The following LAMB4 variants were observed in gnomAD, a reference collection of about 807,000 sequenced individuals.
The protein encoded by LAMB4 is laminin subunit beta 4.
Under a neutral mutation model 199.2 loss-of-function variants are expected in LAMB4, and 196 were observed. The ratio of observed to expected loss-of-function variants is 0.98; its 90% CI spans 0.88 to 1.11. The LOEUF (loss-of-function observed/expected upper bound fraction) is 1.11. Among genes scored for constraint, LAMB4 ranks in the 50% least tolerant of loss-of-function variants. LAMB4 has a pLI of 0.00. For missense variants in LAMB4, 2,080 were observed against 2,171.2 expected (o/e 0.96, Z 0.83); for synonymous variants, 744 against 770.6 (o/e 0.97, Z 0.57).
At chr7:108,123,038 T>C (rs2038653835) in intron 2 of LAMB4, 93 bp downstream of exon 2, 3 of 1,138,888 alleles carry the variant, frequency 2.6e-6, no homozygotes, top group Non-Finnish European at 2.5e-6. Flanking sequence ...TACAGCACTA[T>C]AGAAGACAGA....
rs2035952843 is a variant in LAMB4 at position 108,055,493 on chromosome 7, G to C, written c.3755+139C>G. 3.3e-5 allele frequency: 31 copies of C among 946,892 alleles called. No individual in the cohort carries two copies. In the South Asian group the frequency reaches 4.7e-4, roughly 14 times the overall value. 58.7% of individuals were successfully genotyped at this position (946,892 alleles called of 1,614,324 possible). ...TGAGCTATGGCGCCCGGCCCAGCCT[G>C]GTTATTAACTGAACAACTATCAGTC... is the stretch of plus-strand genomic sequence containing the variant. On this transcript the variant is annotated intron_variant, in intron 25 of 33. Coordinates refer to ENST00000388781, the MANE Select transcript of LAMB4 (RefSeq NM_007356.3).
At chr7:108,099,780 T>C in intron 10 of LAMB4, among the ~76,000 whole-genome samples, 1 of 152,202 alleles carries the variant, frequency 6.6e-6, no homozygotes, top group Non-Finnish European at 1.5e-5. Context: ...TTTAGGTTAG[T>C]GAGTTTAGTG....
At position 108,029,143 on chromosome 7, in the gene LAMB4, A is replaced by G. The variant is rs751900872; in HGVS notation, c.5046T>C (p.Thr1682=). ...CTAATGTCTCCTTTGTTAGTCCTGT[A>G]GTGCTTGTCTTACGTTGGAGAATAG... is the stretch of plus-strand genomic sequence containing the variant. The part of the protein sequence containing the change: ...QYAILQRKTS[T]TGLTKETLGK... The change falls in exon 33 of 34, where the codon ACT becomes ACC. Residue 1682 remains threonine, a synonymous_variant. Coordinates refer to ENST00000388781, the MANE Select transcript of LAMB4 (RefSeq NM_007356.3). 6.2e-7 allele frequency: 1 copy of G among 1,613,832 alleles called. No individual in the cohort carries two copies. The highest frequency in any genetic ancestry group is 8.5e-7 in the Non-Finnish European group (1 of 1,179,892).
rs756636660 is a variant in LAMB4, at chr7:108,076,963, G to A, written c.2105C>T (p.Ser702Leu). ...QPLQGESHAH[S>L]HVLVDSLGLI... ...ACTTACAGAGTCCACCAGGACATGT[G>A]AATGAGCGTGGGACTCTCCTTGCAA... Residue 702 changes from serine (S) to leucine (L), a missense_variant, in exon 17 of 34, where the codon TCA becomes TTA. By Grantham distance (145) the Ser-to-Leu change is moderately radical. Transcript: ENST00000388781. The A allele has an allele frequency of 2.7e-5, 43 of 1,613,896 alleles. No individual in the cohort carries two copies. In the South Asian group the frequency reaches 4.4e-4, roughly 16 times the overall value.
In LAMB4 at chr7:108,070,768, T is replaced by C. The variant is rs1225332061; in HGVS notation, c.2125-883A>G. ...TAAGTTTTTGGGGAGTAAAAAATCA[T>C]ATGTAGGTTTTTGACTGCATGGGGG... On this transcript the variant is annotated intron_variant, in intron 17 of 33. Coordinates refer to ENST00000388781, the MANE Select transcript of LAMB4 (RefSeq NM_007356.3). Among the ~76,000 whole-genome samples, 4 of 152,198 alleles carry C rather than the reference T, an allele frequency of 2.6e-5. No homozygotes were observed. The East Asian group carries it at 7.7e-4, about 29-fold the overall frequency.
At position 108,055,691 on chromosome 7, in the gene LAMB4, T is replaced by G; in HGVS notation, c.3696A>C (p.Lys1232Asn). Residue 1232 changes from lysine (K) to asparagine (N), a missense_variant, in exon 25 of 34, where the codon AAA (lysine) becomes AAC (asparagine). Coordinates refer to ENST00000388781, the MANE Select transcript of LAMB4 (RefSeq NM_007356.3). ...ATTTCCCAGATGGGAAAACAGGATGTTTCAAAATCCTTTCTATTTCAGACA... is the reference window on the plus strand; with the variant it reads ...ATTTCCCAGATGGGAAAACAGGATGGTTCAAAATCCTTTCTATTTCAGACA... ...GNVSEIERIL[K>N]HPVFPSGKFL... 1 of 1,614,078 alleles carries G rather than the reference T, an allele frequency of 6.2e-7. No individual in the cohort carries two copies. The highest frequency in any genetic ancestry group is 8.5e-7 in the Non-Finnish European group (1 of 1,179,952).
chr7:108,102,237 G>T (rs1046500939), intron 10 of LAMB4, among the ~76,000 whole-genome samples: 8 of 152,160 alleles, frequency 5.3e-5, no homozygotes, highest in African/African-American at 1.9e-4. Flanking sequence ...AATTAAAATG[G>T]AAGAACTAAG....
At chr7:108,118,184 A>G (rs574169493) in intron 2 of LAMB4, among the ~76,000 whole-genome samples, 54 of 152,298 alleles carry the variant, frequency 3.5e-4, no homozygotes, top group Admixed American at 7.8e-4. Flanking sequence ...AATTCAATTA[A>G]AGCATTAGAA....
At chr7:108,106,916 C>A (rs929282824) in intron 6 of LAMB4, among the ~76,000 whole-genome samples, 2 of 152,106 alleles carry the variant, frequency 1.3e-5, no homozygotes, top group African/African-American at 4.8e-5. Context: ...GAAGGCTGAG[C>A]CATTGCTTCC....
At chr7:108,047,082 A>G (rs982102230) in intron 28 of LAMB4, among the ~76,000 whole-genome samples, 5 of 151,992 alleles carry the variant, frequency 3.3e-5, no homozygotes, top group Admixed American at 2.0e-4. Context: ...CCAAATTTTT[A>G]ATGCTTGGAG....
Position 108,104,631 on chromosome 7 carries a change from A to G in LAMB4, c.871-12T>C. 1 of 1,612,710 alleles carries G rather than the reference A, an allele frequency of 6.2e-7. No homozygotes were observed. The highest frequency in any genetic ancestry group is 8.5e-7 in the Non-Finnish European group (1 of 1,179,428). On this transcript the variant is annotated splice_polypyrimidine_tract_variant and intron_variant, in intron 8 of 33. Transcript: ENST00000388781. ...CACTGACCGTGAACCTGCATTGTGC[A>G]ATAAATAGAGCGTTGAAAGAGGGCT...
intron 23 of LAMB4, 102 bp downstream of exon 23, chr7:108,062,672 A>G: frequency 1.6e-6 from 1 of 640,262 alleles, no homozygotes; most frequent in Non-Finnish European, 2.3e-6. Context: ...CAATGCACTA[A>G]TTAACAACAG....
Position 108,106,630 on chromosome 7 carries a change from C to A in LAMB4, c.592-58G>T, listed in dbSNP as rs528354841. The stretch of plus-strand genomic sequence containing the variant: ...ATTACCTGAAAACGTAATTGTCAAA[C>A]ACACTCTTTTTTTTTTTCAAACCTC... On this transcript the variant is annotated intron_variant, in intron 6 of 33. Coordinates refer to ENST00000388781, the MANE Select transcript of LAMB4 (RefSeq NM_007356.3). 161 of 997,140 alleles carry A rather than the reference C, an allele frequency of 1.6e-4. No individual in the cohort carries two copies. In the African/African-American group the frequency reaches 2.5e-3, roughly 16 times the overall value. 61.8% of individuals were successfully genotyped at this position (997,140 alleles called of 1,614,324 possible).
At chr7:108,081,244 T>C (rs1183325004) in intron 14 of LAMB4, among the ~76,000 whole-genome samples, 2 of 152,230 alleles carry the variant, frequency 1.3e-5, no homozygotes, top group Admixed American at 6.5e-5. Flanking sequence ...CAGCTCACAG[T>C]TGACCCTTGC....
At chr7:108,090,108 T>C (rs926640831) in intron 14 of LAMB4, among the ~76,000 whole-genome samples, 1 of 152,164 alleles carries the variant, frequency 6.6e-6, no homozygotes, top group Non-Finnish European at 1.5e-5. Flanking sequence ...TAATAGATTA[T>C]TTGGAGAGTT....
At chr7:108,112,073 T>C (rs1254340951) in intron 3 of LAMB4, 127 bp from the exon 4 acceptor site, 3 of 642,512 alleles carry the variant, frequency 4.7e-6, no homozygotes, top group Non-Finnish European at 4.9e-6. Context: ...GCAGAGGAAA[T>C]AACAAGACAT....
At chr7:108,089,266 C>T (rs1345858287) in intron 14 of LAMB4, among the ~76,000 whole-genome samples, 1 of 152,158 alleles carries the variant, frequency 6.6e-6, no homozygotes, top group Non-Finnish European at 1.5e-5. Flanking sequence ...CCCAGCATGA[C>T]AGAAGGCTTC....
chr7:108,087,803 C>T (rs1223287757), intron 14 of LAMB4, among the ~76,000 whole-genome samples: 1 of 152,212 alleles, frequency 6.6e-6, no homozygotes, highest in Admixed American at 6.5e-5. Context: ...CTTCAGAACC[C>T]AGATTTCTAG....
intron 10 of LAMB4, 80 bp downstream of exon 10, chr7:108,102,964 A>G (rs401487): frequency 0.38 from 474,894 of 1,234,612 alleles, 93,219 homozygotes; most frequent in Non-Finnish European, 0.4. Context: ...TTAAGCAGAT[A>G]AGGTGCGGGC....
Sources: allele counts gnomAD v4.1 joint callset (sites outside exome capture counted in the v4.1 genomes callset), GRCh38; gene constraint gnomAD v4.1.1; transcripts MANE v1.5; gene names NCBI Gene and HGNC (gene_info 2026-07-23, HGNC 2026-07-21).